The following MYH13 variants were observed in gnomAD, a reference collection of about 807,000 sequenced individuals.
MYH13 encodes the protein myosin heavy chain 13.
In MYH13, 177 loss-of-function variants were observed where a neutral mutation model predicts 232.1. That is an observed-to-expected ratio of 0.76 (90% CI 0.67 to 0.86). The LOEUF (loss-of-function observed/expected upper bound fraction) is 0.86, where lower values mean the gene tolerates loss of function less well. MYH13 is among the 40% of genes least tolerant of loss of function. MYH13 has a pLI of 0.00. For missense variants in MYH13, 2,246 were observed against 2,405.9 expected (o/e 0.93, Z 1.39); for synonymous variants, 884 against 923.5 (o/e 0.96, Z 0.78).
At chr17:10,368,098 A>T (rs554052375) in intron 2 of MYH13, among the ~76,000 whole-genome samples, 1 of 152,318 alleles carries the variant, frequency 6.6e-6, no homozygotes, top group Admixed American at 6.5e-5. Context: ...TCACTGAATT[A>T]TATAGTACTT....
chr17:10,330,099 T>A (rs1907359368), intron 21 of MYH13, among the ~76,000 whole-genome samples: 1 of 152,014 alleles, frequency 6.6e-6, no homozygotes, highest in Non-Finnish European at 1.5e-5. Context: ...TCTTGCCAGT[T>A]CCCTATCCCC....
intron 39 of MYH13, among the ~76,000 whole-genome samples, chr17:10,302,435 C>T (rs1215161448): frequency 6.6e-6 from 1 of 152,150 alleles, no homozygotes; most frequent in African/African-American, 2.4e-5. Context: ...TTCTGGAACC[C>T]TTCTTCCACT....
chr17:10,316,169 A>G (rs12453404), intron 27 of MYH13, 144 bp from the exon 28 acceptor site: 118,137 of 1,151,650 alleles, frequency 0.1, 6,817 homozygotes, highest in South Asian at 0.14. Flanking sequence ...GTTTCAAAAA[A>G]ATCATAATCG....
chr17:10,359,994 T>A lies in MYH13; in HGVS notation c.611A>T (p.Asp204Val), dbSNP rs777781230. Residue 204 changes from aspartate to valine, a missense_variant, in exon 7 of 41, where the codon GAC becomes GTC. Physicochemically the swap from Asp to Val is radical, Grantham distance 152. Coordinates refer to ENST00000252172, the MANE Select transcript of MYH13 (RefSeq NM_003802.3). ...GCCTGGCTGTGTCTCCTTCTTCTTG[T>A]CCCCGGTAACTGCAATTGTTGCAAA... is the stretch of plus-strand genomic sequence containing the variant. ...QYFATIAVTGDKKKETQPGKM... is the reference protein window; with the variant it reads ...QYFATIAVTGVKKKETQPGKM... 5.6e-6 allele frequency: 9 copies of A among 1,614,014 alleles called. No individual in the cohort carries two copies. Among genetic ancestry groups the A allele is most frequent in the Admixed American group, 5.0e-5 (3 of 60,006 alleles).
intron 39 of MYH13, 92 bp downstream of exon 39, chr17:10,303,104 C>T (rs995349806): frequency 2.8e-6 from 3 of 1,082,694 alleles, no homozygotes; most frequent in Admixed American, 1.9e-5. Flanking sequence ...GCCTGAGGCT[C>T]AGGGGACTTT....
At chr17:10,323,781 A>ATGAAGAAGAAG (rs575791177) in intron 23 of MYH13, among the ~76,000 whole-genome samples, 1 of 53,926 alleles carries the variant, frequency 1.9e-5, no homozygotes. Flanking sequence ...AAAAAAAAAA[A>ATGAAGAAGAAG]AAAAAAAAGA....
intron 13 of MYH13, among the ~76,000 whole-genome samples, chr17:10,346,258 T>A (rs2071665861): frequency 6.6e-6 from 1 of 152,084 alleles, no homozygotes; most frequent in African/African-American, 2.4e-5. Context: ...GTATCTCTCC[T>A]AAGAATTTGG....
chr17:10,309,577 T>G lies in MYH13; in HGVS notation c.4910A>C (p.Asn1637Thr), dbSNP rs1378410067. The change falls in exon 34 of 41, where the codon AAC becomes ACC. Residue 1637 changes from asparagine (N) to threonine (T), a missense_variant. Coordinates refer to ENST00000252172, the MANE Select transcript of MYH13 (RefSeq NM_003802.3). ...CTTCTGGGTCTCTGCCATCTGGCGG[T>G]TGGAGTGGCCCAGCTGAATCTCCAT... Reference protein sequence around the residue: ...NEMEIQLGHSNRQMAETQKHL... With the variant: ...NEMEIQLGHSTRQMAETQKHL... 6.2e-7 allele frequency: 1 copy of G among 1,613,276 alleles called. No individual in the cohort carries two copies. Among genetic ancestry groups the G allele is most frequent in the African/African-American group, 1.3e-5 (1 of 74,942 alleles).
chr17:10,324,951 G>A (rs1211798354), intron 22 of MYH13: 1 of 152,110 alleles, frequency 6.6e-6, no homozygotes, highest in East Asian at 1.9e-4. Flanking sequence ...AGCCTCCCAA[G>A]TAGCTGGAAC....
intron 29 of MYH13, among the ~76,000 whole-genome samples, chr17:10,314,607 G>A (rs575192108): frequency 1.3e-5 from 2 of 152,276 alleles, no homozygotes; most frequent in African/African-American, 4.8e-5. Context: ...AAAGATGGGA[G>A]ACAAATATGG....
chr17:10,345,570 ATCT>A lies in MYH13; in HGVS notation c.1307_1309del (p.Lys436del). On this transcript the variant is annotated inframe_deletion, in exon 14 of 41. Transcript: ENST00000252172. Reference sequence around the variant, plus strand: ...GATGCGGGTGACCATCCACAGGAACATCTTCTCGTAGACGGCTTTGGCCAGAGC... The same window carrying A: ...GATGCGGGTGACCATCCACAGGAACATCTCGTAGACGGCTTTGGCCAGAGC... The A allele has an allele frequency of 6.8e-6, 11 of 1,614,188 alleles. No homozygotes were observed. Among genetic ancestry groups the A allele is most frequent in the Non-Finnish European group, 9.3e-6 (11 of 1,180,042 alleles).
chr17:10,315,088 T>G (rs1265340748), intron 29 of MYH13, among the ~76,000 whole-genome samples: 1 of 152,042 alleles, frequency 6.6e-6, no homozygotes, highest in Non-Finnish European at 1.5e-5. Context: ...GGCAGAATGA[T>G]CAAGTGTGTG....
intron 33 of MYH13, 26 bp downstream of exon 33, chr17:10,311,077 C>T: frequency 6.2e-7 from 1 of 1,612,694 alleles, no homozygotes; most frequent in Non-Finnish European, 8.5e-7. Context: ...TCCTGAATTT[C>T]TGAATGTCAT....
At chr17:10,362,012 G>A (rs984217197) in intron 5 of MYH13, 106 bp downstream of exon 5, 43 of 1,597,464 alleles carry the variant, frequency 2.7e-5, no homozygotes, top group South Asian at 5.6e-5. Flanking sequence ...CTGACTCTCC[G>A]AAGATCCTTT....
At chr17:10,347,702 G>A (rs908629803) in intron 12 of MYH13, among the ~76,000 whole-genome samples, 1 of 146,614 alleles carries the variant, frequency 6.8e-6, no homozygotes, top group Admixed American at 7.0e-5. Context: ...CTGCTCCCCA[G>A]GGACTACTTC....
chr17:10,307,090 G>C (rs916433745), intron 35 of MYH13, 26 bp from the exon 36 acceptor site: 1 of 1,612,140 alleles, frequency 6.2e-7, no homozygotes, highest in Admixed American at 1.7e-5. Flanking sequence ...GATATCAGGG[G>C]TGTGGGTTCT....
intron 30 of MYH13, 31 bp from the exon 31 acceptor site, chr17:10,312,788 C>T (rs62060458): frequency 0.058 from 92,748 of 1,588,794 alleles, 3,041 homozygotes; most frequent in Non-Finnish European, 0.068. Context: ...TTTTCCCCTT[C>T]GCAAAGGTGG....
chr17:10,369,884 CTCTCCATTTGT>C (rs2071865536), intron 2 of MYH13, among the ~76,000 whole-genome samples: 1 of 152,198 alleles, frequency 6.6e-6, no homozygotes, highest in African/African-American at 2.4e-5. Flanking sequence ...TAAAATCTGG[CTCTCCATTTGT>C]TCTCCATTTG....
At chr17:10,307,953 C>T (rs532960327) in intron 35 of MYH13, among the ~76,000 whole-genome samples, 4 of 152,204 alleles carry the variant, frequency 2.6e-5, no homozygotes, top group Admixed American at 2.0e-4. Context: ...CCACAGAAGA[C>T]TGATTAAATG....
Sources: allele counts gnomAD v4.1 joint callset (sites outside exome capture counted in the v4.1 genomes callset), GRCh38; gene constraint gnomAD v4.1.1; transcripts MANE v1.5; gene names NCBI Gene and HGNC (gene_info 2026-07-23, HGNC 2026-07-21).